Variants in BABAM2 observed in about 807,000 individuals in gnomAD.
The protein encoded by BABAM2 is BRISC and BRCA1 A complex member 2, also known as BRISC and BRCA1-A complex member 2.
In BABAM2, 31 loss-of-function variants were observed where a neutral mutation model predicts 54.7. The ratio of observed to expected loss-of-function variants is 0.57; its 90% CI spans 0.43 to 0.77. BABAM2 has a LOEUF of 0.77. BABAM2 is among the 30% of genes least tolerant of loss of function. BABAM2 has a pLI of 0.00. For synonymous variants in BABAM2, 167 were observed against 162.9 expected, an observed-to-expected ratio of 1.03 and a Z score of -0.19; for missense variants, 364 against 455.8, an observed-to-expected ratio of 0.80 and a Z score of 1.83.
chr2:28,305,251 TG>T (rs966336176), intron 11 of BABAM2, among the ~76,000 whole-genome samples: 1 of 152,190 alleles, frequency 6.6e-6, no homozygotes, highest in African/African-American at 2.4e-5. Flanking sequence ...TTATCATGAA[TG>T]GGTGTTGAAT....
intron 7 of BABAM2, among the ~76,000 whole-genome samples, chr2:28,186,705 C>T (rs1378222339): frequency 6.6e-6 from 1 of 151,682 alleles, no homozygotes; most frequent in African/African-American, 2.4e-5. Context: ...AGAAGCGAAG[C>T]GAAGCAAGGC....
rs1460368263 is a variant in BABAM2 at position 28,304,071 on chromosome 2, T to C, written c.1088+5580T>C. 6.6e-6 allele frequency among the ~76,000 whole-genome samples: 1 copy of C among 152,082 alleles called. No individual in the cohort carries two copies. Among genetic ancestry groups the C allele is most frequent in the Non-Finnish European group, 1.5e-5 (1 of 68,030 alleles). ...AATTTTTGTATTTTTATTTATTTTT[T>C]TGAGACAAAGTTTTGCTTTTATCAC... On this transcript the variant is annotated intron_variant, in intron 11 of 11. Transcript: ENST00000379624. The surrounding 1 kb of genome is among the most constrained non-coding windows in gnomAD (Gnocchi z 4.0).
At chr2:28,257,947 C>G (rs1054572497) in intron 10 of BABAM2, among the ~76,000 whole-genome samples, 3 of 152,026 alleles carry the variant, frequency 2.0e-5, no homozygotes, top group Non-Finnish European at 2.9e-5. Flanking sequence ...GAGGCTGATG[C>G]GGGCAGATCA....
intron 2 of BABAM2, among the ~76,000 whole-genome samples, chr2:27,920,540 C>CT (rs905303614): frequency 7.9e-5 from 12 of 151,888 alleles, no homozygotes; most frequent in Non-Finnish European, 1.6e-4. Context: ...TAATATGTGA[C>CT]TTTTTTTTAA....
chr2:28,337,074 G>A (rs1691531370), intron 11 of BABAM2, among the ~76,000 whole-genome samples: 1 of 152,172 alleles, frequency 6.6e-6, no homozygotes, highest in South Asian at 2.1e-4. Context: ...AGTGCTGAGG[G>A]TGACAGGTCT....
intron 3 of BABAM2, among the ~76,000 whole-genome samples, chr2:27,950,458 T>C (rs2148405479): frequency 6.6e-6 from 1 of 152,328 alleles, no homozygotes; most frequent in South Asian, 2.1e-4. Context: ...TTTTCATTCA[T>C]TGAATTTTGA....
intron 11 of BABAM2, chr2:28,307,912 AAAG>A (rs1024251592): frequency 1.3e-5 from 2 of 152,346 alleles, no homozygotes; most frequent in African/African-American, 4.8e-5. Context: ...GTCATCAAGA[AAAG>A]AAAATGATAT....
intron 10 of BABAM2, among the ~76,000 whole-genome samples, chr2:28,257,796 G>A (rs1684095657): frequency 6.6e-6 from 1 of 152,154 alleles, no homozygotes; most frequent in Admixed American, 6.5e-5. Context: ...GAAGTGGGAG[G>A]ATTGGTTGAG....
intron 2 of BABAM2, among the ~76,000 whole-genome samples, chr2:27,904,152 A>G (rs537811323): frequency 6.6e-6 from 1 of 152,318 alleles, no homozygotes; most frequent in African/African-American, 2.4e-5. Context: ...TGTGAGAACA[A>G]TCTCAGAACA....
At chr2:28,065,294 T>C (rs1679220129) in intron 6 of BABAM2, among the ~76,000 whole-genome samples, 1 of 152,176 alleles carries the variant, frequency 6.6e-6, no homozygotes. Flanking sequence ...AAAAAGATAC[T>C]AAGTTTACAT....
chr2:28,089,027 A>G (rs1379791648), intron 6 of BABAM2, among the ~76,000 whole-genome samples: 1 of 151,682 alleles, frequency 6.6e-6, no homozygotes, highest in Non-Finnish European at 1.5e-5. Flanking sequence ...TTGTAAAAGT[A>G]GTGCATTTAG....
chr2:28,181,880 G>A (rs1317025483), intron 7 of BABAM2, among the ~76,000 whole-genome samples: 1 of 152,034 alleles, frequency 6.6e-6, no homozygotes. Flanking sequence ...TTTGGATAGG[G>A]TGGCAAGGGA....
At chr2:28,156,971 A>C (rs936272538) in intron 7 of BABAM2, among the ~76,000 whole-genome samples, 5 of 152,234 alleles carry the variant, frequency 3.3e-5, no homozygotes, top group African/African-American at 1.2e-4. Flanking sequence ...CTTTAAAGTG[A>C]ATTACATATT....
intron 3 of BABAM2, among the ~76,000 whole-genome samples, chr2:27,943,694 A>T (rs192957719): frequency 4.6e-5 from 7 of 152,330 alleles, no homozygotes; most frequent in African/African-American, 1.7e-4. Context: ...CTAGGGACTT[A>T]GTATTTTGCA....
At chr2:28,116,564 G>C (rs1668635442) in intron 6 of BABAM2, among the ~76,000 whole-genome samples, 1 of 152,152 alleles carries the variant, frequency 6.6e-6, no homozygotes, top group African/African-American at 2.4e-5. Context: ...TAGCTTCTAG[G>C]GTGGCTTTCC....
intron 7 of BABAM2, among the ~76,000 whole-genome samples, chr2:28,217,159 CT>C (rs5830064): frequency 0.74 from 113,189 of 151,998 alleles, 43,377 homozygotes; most frequent in East Asian, 0.99. Flanking sequence ...TTAGCATATA[CT>C]TTTCTATGAG....
intron 10 of BABAM2, among the ~76,000 whole-genome samples, chr2:28,268,870 C>A (rs528947217): frequency 3.3e-5 from 5 of 152,320 alleles, no homozygotes; most frequent in African/African-American, 1.2e-4. Flanking sequence ...TCTTGAGGTC[C>A]ACTGTAGAGA....
At chr2:28,149,282 C>A (rs1409385572) in intron 7 of BABAM2, among the ~76,000 whole-genome samples, 1 of 152,164 alleles carries the variant, frequency 6.6e-6, no homozygotes, top group Admixed American at 6.5e-5. Context: ...GAAGACTCAG[C>A]TCCTTGGTGT....
intron 3 of BABAM2, among the ~76,000 whole-genome samples, chr2:27,946,491 T>C (rs1669305478): frequency 1.3e-5 from 2 of 152,186 alleles, no homozygotes; most frequent in East Asian, 3.8e-4. Context: ...GGCACCAGAG[T>C]AATGCTGTGT....
Sources: gnomAD v4.1 joint callset for allele counts (sites outside exome capture counted in the v4.1 genomes callset) on GRCh38, gnomAD v4.1.1 for gene constraint, Gnocchi (gnomAD v3.1) non-coding constraint, MANE v1.5 for transcripts, NCBI Gene and HGNC (gene_info 2026-07-23, HGNC 2026-07-21) for gene names.